Variants in TERB2 observed in about 807,000 individuals in gnomAD.
TERB2 encodes the protein telomere repeat binding bouquet formation protein 2.
A neutral mutation model predicts 29.8 loss-of-function variants in TERB2; 26 were observed. The ratio of observed to expected loss-of-function variants is 0.87; its 90% CI spans 0.64 to 1.21. The LOEUF (loss-of-function observed/expected upper bound fraction) is 1.21. TERB2 is among the 50% of genes most tolerant of loss of function. TERB2 has a pLI of 0.00. For missense variants in TERB2, 240 were observed against 268.6 expected (o/e 0.89, Z 0.74); for synonymous variants, 80 against 90.8 (o/e 0.88, Z 0.68).
At chr15:44,957,379 C>G (rs1891733712) in intron 2 of TERB2, among the ~76,000 whole-genome samples, 1 of 152,090 alleles carries the variant, frequency 6.6e-6, no homozygotes, top group East Asian at 1.9e-4. Flanking sequence ...ACAGGCTTCT[C>G]CCTGGTCCTC....
intron 6 of TERB2, chr15:44,976,264 C>G (rs1408286190): frequency 6.6e-6 from 1 of 152,174 alleles, no homozygotes; most frequent in African/African-American, 2.4e-5. Flanking sequence ...ATGCTTCTGT[C>G]TCACAGCTTT....
Position 44,973,833 on chromosome 15 carries a change from G to A in TERB2, c.435-34G>A. On this transcript the variant is annotated intron_variant, in intron 5 of 6. Coordinates refer to ENST00000340827, the MANE Select transcript of TERB2 (RefSeq NM_152448.3). ...ATACATATAGACATATATATACTAT[G>A]TATGTGTGACTTTCTGTATGCTTTA... 2 of 1,495,054 alleles carry A rather than the reference G, an allele frequency of 1.3e-6. 1 individual carries two copies. 92.6% of individuals were successfully genotyped at this position (1,495,054 alleles called of 1,614,324 possible). A position where few individuals can be genotyped will look rare whatever the true frequency, so the allele number is the denominator to read the frequency against.
rs542540125 is a variant in TERB2 at position 44,961,272 on chromosome 15, A to T, written c.287-251A>T. On this transcript the variant is annotated intron_variant, in intron 3 of 6. Coordinates refer to ENST00000340827, the MANE Select transcript of TERB2 (RefSeq NM_152448.3). ...ACAAATATAGATATAGATATATTCT[A>T]GCAGGAAACGTCTACAACAATGATT... 4.0e-5 allele frequency among the ~76,000 whole-genome samples: 6 copies of T among 150,692 alleles called. No homozygotes were observed. In the South Asian group the frequency reaches 1.3e-3, roughly 31 times the overall value.
chr15:44,962,801 T>G (rs1031549116), intron 4 of TERB2: 3 of 152,138 alleles, frequency 2.0e-5, no homozygotes, highest in African/African-American at 7.2e-5. Flanking sequence ...CAATAATGGA[T>G]TATAATATGT....
intron 6 of TERB2, among the ~76,000 whole-genome samples, chr15:44,976,907 T>A (rs1411454511): frequency 6.6e-6 from 1 of 152,070 alleles, no homozygotes; most frequent in Non-Finnish European, 1.5e-5. Flanking sequence ...CTCATTTAGG[T>A]GATCAAAACT....
Position 44,973,925 on chromosome 15 carries a change from C to G in TERB2, c.493C>G (p.Gln165Glu). 1 of 1,600,058 alleles carries G rather than the reference C, an allele frequency of 6.2e-7. No homozygotes were observed. The highest frequency in any genetic ancestry group is 8.5e-7 in the Non-Finnish European group (1 of 1,172,308). ...AGAAAAGCAGATGTACTTCCCTCTA[C>G]AGAATTACCCAGTTAACAACATGGT... ...VVEKQMYFPL[Q>E]NYPVNNMVTG... The change falls in exon 6 of 7, where the codon CAG becomes GAG. Residue 165 changes from glutamine (Q) to glutamate (E), a missense_variant. Transcript: ENST00000340827.
At chr15:44,964,897 C>T (rs1056721773) in intron 4 of TERB2, among the ~76,000 whole-genome samples, 5 of 151,812 alleles carry the variant, frequency 3.3e-5, no homozygotes, top group South Asian at 2.1e-4. Flanking sequence ...CGCAGTGGGT[C>T]GCGCCTGTAA....
At chr15:44,971,829 C>T (rs1891975567) in intron 5 of TERB2, among the ~76,000 whole-genome samples, 1 of 151,668 alleles carries the variant, frequency 6.6e-6, no homozygotes, top group Non-Finnish European at 1.5e-5. Flanking sequence ...TTTCATCCCC[C>T]CCCCTCCTTT....
intron 3 of TERB2, among the ~76,000 whole-genome samples, chr15:44,961,218 A>G (rs1487240267): frequency 1.4e-5 from 2 of 141,272 alleles, no homozygotes; most frequent in East Asian, 4.3e-4. Context: ...ATATATATAC[A>G]CACACACACA....
intron 5 of TERB2, among the ~76,000 whole-genome samples, chr15:44,969,185 C>A (rs1299677158): frequency 2.0e-5 from 3 of 152,102 alleles, no homozygotes; most frequent in Non-Finnish European, 4.4e-5. Context: ...TCCTCTGCAA[C>A]CTCCACCTCC....
intron 3 of TERB2, among the ~76,000 whole-genome samples, chr15:44,958,900 C>T (rs1891761758): frequency 6.6e-6 from 1 of 152,032 alleles, no homozygotes; most frequent in Non-Finnish European, 1.5e-5. Flanking sequence ...GATAATAGGC[C>T]GGGTGCGGTA....
chr15:44,956,804 G>A (rs1324930206), intron 1 of TERB2, 22 bp downstream of exon 1: 2 of 1,613,638 alleles, frequency 1.2e-6, no homozygotes, highest in Non-Finnish European at 1.7e-6. Context: ...AGTGGAAGCA[G>A]CGGGTTAGGT....
chr15:44,957,254 A>T (rs1054328498), intron 2 of TERB2, among the ~76,000 whole-genome samples: 4 of 151,764 alleles, frequency 2.6e-5, no homozygotes, highest in African/African-American at 9.7e-5. Context: ...ATACAATAAA[A>T]TAAAAAATAA....
chr15:44,961,526 T>C lies in TERB2; in HGVS notation c.290T>C (p.Ile97Thr), dbSNP rs1891803274. The change falls in exon 4 of 7, where the codon ATA becomes ACA. Residue 97 changes from isoleucine to threonine, a missense_variant. Transcript: ENST00000340827. ...ILPPACLQKE[I>T]RRKIGSFIWE... Reference sequence around the variant, plus strand: ...GGATTTGTTTTTCTCACCACAGAAATAAGAAGAAAAATTGGTAGTTTTATT... The same window carrying C: ...GGATTTGTTTTTCTCACCACAGAAACAAGAAGAAAAATTGGTAGTTTTATT... The C allele has an allele frequency of 6.3e-7, 1 of 1,584,392 alleles. No individual in the cohort carries two copies. The highest frequency in any genetic ancestry group is 8.6e-7 in the Non-Finnish European group (1 of 1,166,796).
chr15:44,966,394 T>A, intron 5 of TERB2, 151 bp downstream of exon 5: 1 of 440,344 alleles, frequency 2.3e-6, no homozygotes, highest in Non-Finnish European at 3.9e-6. Flanking sequence ...GATCTATGAT[T>A]AGAAAGATAA....
intron 4 of TERB2, among the ~76,000 whole-genome samples, chr15:44,963,974 C>G (rs1485764597): frequency 6.6e-6 from 1 of 151,898 alleles, no homozygotes; most frequent in African/African-American, 2.4e-5. Flanking sequence ...CCACACCCAG[C>G]TACTTTTTGT....
At chr15:44,960,516 T>TA (rs1161572332) in intron 3 of TERB2, among the ~76,000 whole-genome samples, 1 of 152,130 alleles carries the variant, frequency 6.6e-6, no homozygotes, top group Non-Finnish European at 1.5e-5. Context: ...CGCCCTTCTC[T>TA]AAAAAAATTA....
At chr15:44,968,115 A>AT (rs981685390) in intron 5 of TERB2, among the ~76,000 whole-genome samples, 11 of 143,174 alleles carry the variant, frequency 7.7e-5, no homozygotes, top group South Asian at 4.7e-4. Flanking sequence ...AGGGACGTTG[A>AT]TTTTTTTTAC....
At position 44,956,760 on chromosome 15, in the gene TERB2, C is replaced by T; in HGVS notation, c.42C>T (p.Ser14=). 1 of 1,613,668 alleles carries T rather than the reference C, an allele frequency of 6.2e-7. No individual in the cohort carries two copies. Among genetic ancestry groups the T allele is most frequent in the African/African-American group, 1.3e-5 (1 of 75,018 alleles). The change falls in exon 1 of 7, where the codon AGC becomes AGT. Residue 14 remains serine (S), a synonymous_variant. Transcript: ENST00000340827. ...GCGGTTGGTTTTGCGGCAGCGTTAG[C>T]CAGGATCTGAGGCAATTCTGGGGTA... ...GQRGWFCGSV[S]QDLRQFWVAE...
Sources: allele counts gnomAD v4.1 joint callset (sites outside exome capture counted in the v4.1 genomes callset), GRCh38; gene constraint gnomAD v4.1.1; transcripts MANE v1.5; gene names NCBI Gene and HGNC (gene_info 2026-07-23, HGNC 2026-07-21).